The following PCDH15 variants were observed in gnomAD, a reference collection of about 807,000 sequenced individuals.
PCDH15 encodes protocadherin-15.
Under a neutral mutation model 178.5 loss-of-function variants are expected in PCDH15, and 129 were observed. That is an observed-to-expected ratio of 0.72 (90% CI 0.63 to 0.84). PCDH15 has a LOEUF of 0.84. PCDH15 is among the 40% of genes least tolerant of loss of function. The probability of loss-of-function intolerance (pLI) is 0.00; values close to 1 mark genes in which losing one functional copy is unlikely to be tolerated. For missense variants in PCDH15, 2,230 were observed against 2,099.9 expected, an observed-to-expected ratio of 1.06 and a Z score of -1.21; for synonymous variants, 800 against 732.0, an observed-to-expected ratio of 1.09 and a Z score of -1.50.
chr10:55,011,862 C>G (rs376327375), intron 2 of PCDH15, among the ~76,000 whole-genome samples: 5 of 152,164 alleles, frequency 3.3e-5, no homozygotes, highest in Middle Eastern at 3.4e-3. Flanking sequence ...ATGATGAGTA[C>G]TTGAGCCACT....
intron 5 of PCDH15, among the ~76,000 whole-genome samples, chr10:54,363,770 G>C (rs1946399853): frequency 6.6e-6 from 1 of 151,984 alleles, no homozygotes; most frequent in Non-Finnish European, 1.5e-5. Context: ...AAACATGAGA[G>C]TATATTTTCT....
At chr10:55,412,294 T>C (rs984188783) in intron 2 of PCDH15, among the ~76,000 whole-genome samples, 1 of 152,044 alleles carries the variant, frequency 6.6e-6, no homozygotes, top group African/African-American at 2.4e-5. Flanking sequence ...TAGATAAATG[T>C]TGACTTTGAT....
intron 25 of PCDH15, chr10:53,906,814 T>TC (rs1564737791): frequency 6.7e-6 from 1 of 148,844 alleles, no homozygotes; most frequent in Non-Finnish European, 1.5e-5. Flanking sequence ...TTTTTTTTTT[T>TC]AAAGAAACAA....
chr10:54,527,963 T>A (rs2083520021), intron 2 of PCDH15, 86 bp from the exon 3 acceptor site: 1 of 1,050,410 alleles, frequency 9.5e-7, no homozygotes, highest in Non-Finnish European at 1.5e-6. Context: ...TATATTAATA[T>A]TTAAAAAGGA....
intron 3 of PCDH15, among the ~76,000 whole-genome samples, chr10:54,385,188 G>A (rs2135191158): frequency 6.6e-6 from 1 of 151,974 alleles, no homozygotes; most frequent in Middle Eastern, 3.4e-3. Flanking sequence ...TAGAAAATGT[G>A]GTTTTTTAGT....
At chr10:53,890,801 T>C (rs115735438) in intron 26 of PCDH15, among the ~76,000 whole-genome samples, 1,784 of 152,282 alleles carry the variant, frequency 0.012, 31 homozygotes, top group African/African-American at 0.04. Context: ...TTAAAGTCTC[T>C]GCAATTCTCA....
chr10:55,090,410 T>A (rs1224525917), intron 2 of PCDH15, among the ~76,000 whole-genome samples: 4 of 152,006 alleles, frequency 2.6e-5, no homozygotes, highest in Non-Finnish European at 5.9e-5. Context: ...TTGCTCAAGA[T>A]CTAACTGAGA....
intron 2 of PCDH15, among the ~76,000 whole-genome samples, chr10:55,407,099 G>A (rs1383924966): frequency 6.6e-6 from 1 of 151,906 alleles, no homozygotes; most frequent in Non-Finnish European, 1.5e-5. Flanking sequence ...AAGCCTGATT[G>A]GAGACGTGTA....
chr10:54,921,655 A>ACTTGATC (rs1251416956), intron 2 of PCDH15, among the ~76,000 whole-genome samples: 3 of 152,106 alleles, frequency 2.0e-5, no homozygotes, highest in African/African-American at 7.2e-5. Context: ...CTGATAAAAG[A>ACTTGATC]CTTGATCTCA....
chr10:55,472,320 A>G (rs1331280693), intron 2 of PCDH15, among the ~76,000 whole-genome samples: 1 of 152,184 alleles, frequency 6.6e-6, no homozygotes, highest in Non-Finnish European at 1.5e-5. Context: ...CAACTTAATC[A>G]GGAACATGTT....
chr10:54,428,167 G>A (rs7090437), intron 3 of PCDH15, among the ~76,000 whole-genome samples: 1 of 151,958 alleles, frequency 6.6e-6, no homozygotes, highest in Non-Finnish European at 1.5e-5. Flanking sequence ...TACCTTTCAC[G>A]AAATATTGCC....
intron 2 of PCDH15, among the ~76,000 whole-genome samples, chr10:55,385,804 TGC>T (rs1837646191): frequency 6.7e-6 from 1 of 149,218 alleles, no homozygotes; most frequent in Non-Finnish European, 1.5e-5. Flanking sequence ...TATATAGATA[TGC>T]ATATATATGC....
At chr10:53,941,640 T>C (rs2086078287) in intron 23 of PCDH15, among the ~76,000 whole-genome samples, 1 of 152,214 alleles carries the variant, frequency 6.6e-6, no homozygotes, top group African/African-American at 2.4e-5. Flanking sequence ...GTGTAGGTTT[T>C]TGTGACTCTA....
intron 2 of PCDH15, among the ~76,000 whole-genome samples, chr10:55,054,200 C>T (rs1228640266): frequency 1.3e-5 from 2 of 152,062 alleles, no homozygotes; most frequent in East Asian, 3.9e-4. Context: ...TCCAATAGAC[C>T]CCGTGTCTTT....
intron 28 of PCDH15, among the ~76,000 whole-genome samples, chr10:53,849,315 TAAGA>T (rs1268157209): frequency 2.0e-5 from 3 of 152,096 alleles, no homozygotes; most frequent in Non-Finnish European, 4.4e-5. Context: ...AAGTGTTAAC[TAAGA>T]AAGTTGATTT....
At chr10:54,337,669 T>C (rs1442268393) in intron 6 of PCDH15, among the ~76,000 whole-genome samples, 1 of 152,168 alleles carries the variant, frequency 6.6e-6, no homozygotes, top group African/African-American at 2.4e-5. Context: ...CCTTTAGCAC[T>C]AGCCCTTTGA....
chr10:54,034,060 C>T (rs2093361790), intron 18 of PCDH15, among the ~76,000 whole-genome samples: 1 of 151,740 alleles, frequency 6.6e-6, no homozygotes, highest in African/African-American at 2.4e-5. Flanking sequence ...AATGTGACAG[C>T]CAGATTGGAT....
At chr10:53,980,269 G>A (rs2090525653) in intron 21 of PCDH15, among the ~76,000 whole-genome samples, 2 of 151,434 alleles carry the variant, frequency 1.3e-5, no homozygotes, top group Non-Finnish European at 2.9e-5. Flanking sequence ...TTGAACAAGG[G>A]GTAAAAGTAG....
chr10:54,421,847 CTATA>C (rs372564880), intron 3 of PCDH15, among the ~76,000 whole-genome samples: 28 of 93,482 alleles, frequency 3.0e-4, no homozygotes, highest in Admixed American at 6.2e-4. Context: ...TACACACACA[CTATA>C]TATATATATA....
Sources: gnomAD v4.1 joint callset for allele counts (sites outside exome capture counted in the v4.1 genomes callset) on GRCh38, gnomAD v4.1.1 for gene constraint, MANE v1.5 for transcripts, NCBI Gene and HGNC (gene_info 2026-07-23, HGNC 2026-07-21) for gene names.